Variants in PXDNL observed in about 807,000 individuals in gnomAD.
PXDNL encodes peroxidasin like, also known as probable oxidoreductase PXDNL.
In PXDNL, 145 loss-of-function variants were observed where a neutral mutation model predicts 150.8. The ratio of observed to expected loss-of-function variants is 0.96; its 90% confidence interval spans 0.84 to 1.10. The LOEUF (loss-of-function observed/expected upper bound fraction) is 1.10, where lower values mean the gene tolerates loss of function less well. Ranked by LOEUF, PXDNL falls within the 50% of genes least tolerant of loss-of-function variation. PXDNL has a pLI of 0.00. For synonymous variants in PXDNL, 757 were observed against 725.7 expected (o/e 1.04, Z -0.69); for missense variants, 2,087 against 1,873.9 (o/e 1.11, Z -2.10).
chr8:51,637,758 C>T (rs1814638443), intron 2 of PXDNL, among the ~76,000 whole-genome samples: 1 of 152,152 alleles, frequency 6.6e-6, no homozygotes, highest in African/African-American at 2.4e-5. Context: ...GAGAATGGAA[C>T]CAAGTTAGAA....
At chr8:51,758,484 A>G (rs898185378) in intron 1 of PXDNL, among the ~76,000 whole-genome samples, 2 of 152,224 alleles carry the variant, frequency 1.3e-5, no homozygotes, top group African/African-American at 4.8e-5. Context: ...GATATGGTTA[A>G]GCTTTGTGTC....
intron 2 of PXDNL, among the ~76,000 whole-genome samples, chr8:51,636,070 G>A (rs1001054500): frequency 6.6e-6 from 1 of 152,106 alleles, no homozygotes; most frequent in African/African-American, 2.4e-5. Flanking sequence ...CCAATGTTAT[G>A]CACCACATTA....
chr8:51,395,612 A>G (rs1388340978), intron 17 of PXDNL, among the ~76,000 whole-genome samples: 1 of 152,214 alleles, frequency 6.6e-6, no homozygotes, highest in Non-Finnish European at 1.5e-5. Context: ...TGAAGCTGTG[A>G]AAGAGAGGAT....
At chr8:51,392,683 A>G (rs1361148588) in intron 17 of PXDNL, among the ~76,000 whole-genome samples, 2 of 152,194 alleles carry the variant, frequency 1.3e-5, no homozygotes, top group Non-Finnish European at 2.9e-5. Flanking sequence ...TGTCATCTGC[A>G]AACAGGAACA....
At chr8:51,502,472 T>A (rs571284127) in intron 4 of PXDNL, among the ~76,000 whole-genome samples, 1 of 152,314 alleles carries the variant, frequency 6.6e-6, no homozygotes, top group Admixed American at 6.5e-5. Flanking sequence ...TGTTCTCAGT[T>A]TGCCTACATT....
intron 1 of PXDNL, among the ~76,000 whole-genome samples, chr8:51,763,943 G>A (rs1325320712): frequency 6.6e-6 from 1 of 152,106 alleles, no homozygotes; most frequent in Non-Finnish European, 1.5e-5. Context: ...CTGGACCTGG[G>A]ATATAGCTAT....
intron 5 of PXDNL, among the ~76,000 whole-genome samples, 179 bp from the exon 6 acceptor site, chr8:51,483,893 T>C (rs1810662165): frequency 6.6e-6 from 1 of 152,230 alleles, no homozygotes; most frequent in South Asian, 2.1e-4. Flanking sequence ...TACATATCTC[T>C]ATCTACCACT....
intron 12 of PXDNL, among the ~76,000 whole-genome samples, chr8:51,429,201 G>T (rs1303163439): frequency 2.0e-5 from 3 of 152,168 alleles, no homozygotes; most frequent in Non-Finnish European, 4.4e-5. Context: ...CAAGGATGCA[G>T]GTAAACTGAA....
intron 1 of PXDNL, 71 bp downstream of exon 1, chr8:51,809,110 G>A (rs950039857): frequency 2.6e-6 from 4 of 1,517,638 alleles, no homozygotes; most frequent in Middle Eastern, 1.7e-4. Context: ...AAATTAAAAG[G>A]ACACAGGTCC....
At chr8:51,744,808 A>G (rs1314099777) in intron 1 of PXDNL, among the ~76,000 whole-genome samples, 1 of 150,558 alleles carries the variant, frequency 6.6e-6, no homozygotes, top group Non-Finnish European at 1.5e-5. Context: ...AGAGAGAGAA[A>G]GAAAGAGAAA....
intron 2 of PXDNL, among the ~76,000 whole-genome samples, chr8:51,652,481 A>ACC (rs1815063558): frequency 6.6e-6 from 1 of 150,698 alleles, no homozygotes; most frequent in Admixed American, 6.6e-5. Context: ...ACACACACAC[A>ACC]CCAACCACAT....
At chr8:51,396,055 T>C (rs926055710) in intron 17 of PXDNL, among the ~76,000 whole-genome samples, 4 of 152,224 alleles carry the variant, frequency 2.6e-5, no homozygotes, top group African/African-American at 9.6e-5. Context: ...GGATCTTAGC[T>C]GCACTTGGCT....
intron 1 of PXDNL, among the ~76,000 whole-genome samples, chr8:51,728,879 C>G (rs151298273): frequency 1.2e-3 from 183 of 152,282 alleles, no homozygotes; most frequent in African/African-American, 4.1e-3. Context: ...CATTTACTCG[C>G]CACTCACTCA....
At chr8:51,378,905 A>T (rs895797421) in intron 17 of PXDNL, among the ~76,000 whole-genome samples, 11 of 152,182 alleles carry the variant, frequency 7.2e-5, no homozygotes, top group African/African-American at 2.2e-4. Context: ...AAGAACTGTA[A>T]CACTCACGGC....
At chr8:51,609,856 T>G (rs1220703841) in intron 2 of PXDNL, among the ~76,000 whole-genome samples, 2 of 152,190 alleles carry the variant, frequency 1.3e-5, no homozygotes, top group African/African-American at 4.8e-5. Context: ...GCTTCTGATA[T>G]CACCTGCTAA....
intron 12 of PXDNL, among the ~76,000 whole-genome samples, chr8:51,429,456 CT>C (rs1430405944): frequency 6.6e-6 from 1 of 152,092 alleles, no homozygotes; most frequent in Non-Finnish European, 1.5e-5. Context: ...AGGTGTGAGC[CT>C]TTAATTCCAA....
intron 1 of PXDNL, among the ~76,000 whole-genome samples, chr8:51,731,465 T>C (rs1245710928): frequency 6.6e-6 from 1 of 152,250 alleles, no homozygotes; most frequent in Non-Finnish European, 1.5e-5. Context: ...TTTCAGGAAC[T>C]GGCGTTGAGT....
chr8:51,539,614 GC>G (rs1812167677), intron 4 of PXDNL, among the ~76,000 whole-genome samples: 1 of 151,960 alleles, frequency 6.6e-6, no homozygotes, highest in African/African-American at 2.4e-5. Context: ...AATTGGAAAA[GC>G]TTTAACTTCA....
intron 1 of PXDNL, among the ~76,000 whole-genome samples, chr8:51,712,663 C>G (rs149124384): frequency 2.5e-3 from 385 of 152,240 alleles, no homozygotes; most frequent in Non-Finnish European, 4.2e-3. Flanking sequence ...AATATAATGA[C>G]TTTAGCTTCT....
Sources: gnomAD v4.1 joint callset for allele counts (sites outside exome capture counted in the v4.1 genomes callset) on GRCh38, gnomAD v4.1.1 for gene constraint, MANE v1.5 for transcripts, NCBI Gene and HGNC (gene_info 2026-07-23, HGNC 2026-07-21) for gene names.